HNRNPD: variants seen among roughly 807,000 people sequenced by gnomAD.
HNRNPD encodes heterogeneous nuclear ribonucleoprotein D0.
HNRNPD carries 3 observed loss-of-function variants against 47.9 expected under a neutral mutation model. The observed-to-expected ratio is 0.06, with a 90% CI of 0.03 to 0.16. The LOEUF (loss-of-function observed/expected upper bound fraction) is 0.16. HNRNPD is among the 10% of genes least tolerant of loss of function. HNRNPD has a pLI of 1.00. For missense variants in HNRNPD, 287 were observed against 454.2 expected, an observed-to-expected ratio of 0.63 and a Z score of 3.35; for synonymous variants, 171 against 165.1, an observed-to-expected ratio of 1.04 and a Z score of -0.28.
chr4:82,373,752 AT>A lies in HNRNPD; in HGVS notation c.-75del. The A allele has an allele frequency of 1.3e-6, 2 of 1,523,986 alleles. No individual in the cohort carries two copies. The highest frequency in any genetic ancestry group is 1.2e-5 in the South Asian group (1 of 83,704). The allele number at this position is 1,523,986 out of a possible 1,614,324, so 94.4% of individuals were successfully genotyped here. On this transcript the variant is annotated 5_prime_UTR_variant, in exon 1 of 9. Transcript: ENST00000313899. ...GCGAACCGAAACTAGCAGCAAAGTAATCCCCGCCGCTGCCGCGCGCCCGCTC... is the reference window on the plus strand; with the variant it reads ...GCGAACCGAAACTAGCAGCAAAGTAACCCCGCCGCTGCCGCGCGCCCGCTC...
intron 2 of HNRNPD, among the ~76,000 whole-genome samples, chr4:82,369,763 T>C (rs1238801137): frequency 6.6e-6 from 1 of 151,640 alleles, no homozygotes; most frequent in East Asian, 1.9e-4. Context: ...TGGAACAGGA[T>C]AGGGCTGCAT....
chr4:82,356,585 A>ATCC lies in HNRNPD; in HGVS notation c.949_951dup (p.Gly317dup), dbSNP rs772436272. On this transcript the variant is annotated inframe_insertion, in exon 7 of 9. Transcript: ENST00000313899. ...TAGTTGTTGTAACCAGTGTAGTCAT[A>ATCC]TCCTCCATAACCACCGTAACCTTGG... 2 of 1,611,416 alleles carry ATCC rather than the reference A, an allele frequency of 1.2e-6. No individual in the cohort carries two copies. Among genetic ancestry groups the ATCC allele is most frequent in the Admixed American group, 1.7e-5 (1 of 60,018 alleles).
chr4:82,362,775 T>C (rs768029842), intron 2 of HNRNPD, among the ~76,000 whole-genome samples: 31 of 152,166 alleles, frequency 2.0e-4, no homozygotes, highest in Admixed American at 2.6e-4. Context: ...GATTTTTGCA[T>C]TTTTAGTAGA....
chr4:82,371,606 C>T, intron 1 of HNRNPD, 22 bp from the exon 2 acceptor site: 2 of 1,603,220 alleles, frequency 1.2e-6, no homozygotes, highest in South Asian at 1.1e-5. Context: ...ACAACCGGTA[C>T]AGCAACCAAT....
chr4:82,371,759 T>G (rs1479203092), intron 1 of HNRNPD, among the ~76,000 whole-genome samples, 175 bp from the exon 2 acceptor site: 1 of 152,214 alleles, frequency 6.6e-6, no homozygotes, highest in Non-Finnish European at 1.5e-5. Context: ...AACAGGAAGT[T>G]ATACAATTAA....
chr4:82,369,748 AC>A (rs1264682565), intron 2 of HNRNPD, among the ~76,000 whole-genome samples: 5 of 152,170 alleles, frequency 3.3e-5, no homozygotes, highest in Non-Finnish European at 7.4e-5. Flanking sequence ...GAAAGCCTTA[AC>A]GTCTGGAACA....
intron 2 of HNRNPD, among the ~76,000 whole-genome samples, chr4:82,371,060 A>G (rs1720024365): frequency 6.6e-6 from 1 of 152,144 alleles, no homozygotes; most frequent in Non-Finnish European, 1.5e-5. Flanking sequence ...ACATTTTTCC[A>G]TAATACACAG....
At chr4:82,369,476 A>AT (rs1413730809) in intron 2 of HNRNPD, among the ~76,000 whole-genome samples, 1 of 152,186 alleles carries the variant, frequency 6.6e-6, no homozygotes, top group Non-Finnish European at 1.5e-5. Flanking sequence ...AAACCAACTG[A>AT]TTTTTAAAGT....
chr4:82,362,656 G>T (rs913663229), intron 2 of HNRNPD, among the ~76,000 whole-genome samples: 1 of 152,086 alleles, frequency 6.6e-6, no homozygotes, highest in Non-Finnish European at 1.5e-5. Flanking sequence ...AAGCTGGAGC[G>T]CAGTGGCACA....
rs950722492 is a variant in HNRNPD at position 82,373,863 on chromosome 4, T to A, written c.-185A>T. ...CTCTCCCTGGCCTGCCCCCTTCGCC[T>A]CCCACTCTCGCGCGGCGCACACTCC... On this transcript the variant is annotated 5_prime_UTR_variant, in exon 1 of 9. Coordinates refer to ENST00000313899, the MANE Select transcript of HNRNPD (RefSeq NM_031370.3). 1.1e-5 allele frequency: 15 copies of A among 1,334,114 alleles called. No individual in the cohort carries two copies. The South Asian group carries it at 2.1e-4, about 19-fold the overall frequency. The allele number at this position is 1,334,114 out of a possible 1,614,324, so 82.6% of individuals were successfully genotyped here.
intron 1 of HNRNPD, chr4:82,373,236 T>A (rs1720171649): frequency 1.4e-6 from 1 of 731,156 alleles, no homozygotes; most frequent in Admixed American, 2.2e-5. Context: ...TGGAAACGTG[T>A]GTGATGGGGG....
chr4:82,364,245 A>AC (rs1186321189), intron 2 of HNRNPD, among the ~76,000 whole-genome samples: 10 of 152,274 alleles, frequency 6.6e-5, no homozygotes, highest in African/African-American at 2.4e-4. Flanking sequence ...GGAATTCCAA[A>AC]CATGAACCAC....
chr4:82,360,687 C>G (rs1233479307), intron 2 of HNRNPD, among the ~76,000 whole-genome samples: 1 of 152,080 alleles, frequency 6.6e-6, no homozygotes. Flanking sequence ...TGGGATGTGA[C>G]ACTAACTCAG....
At chr4:82,357,196 A>G in intron 5 of HNRNPD, 117 bp downstream of exon 5, 1 of 1,189,144 alleles carries the variant, frequency 8.4e-7, no homozygotes, top group Non-Finnish European at 1.2e-6. Flanking sequence ...AATGGTAAGT[A>G]ACCAATGAGA....
rs923706235 is a variant in HNRNPD at position 82,373,943 on chromosome 4, C to T, written c.-265G>A. ...AAGCACCAGCGGCGGCCGCTCTCGC[C>T]TCCTCCTCGCTTTAATGGCGCCGCC... On this transcript the variant is annotated 5_prime_UTR_variant, in exon 1 of 9. Coordinates refer to ENST00000313899, the MANE Select transcript of HNRNPD (RefSeq NM_031370.3). The T allele has an allele frequency of 2.5e-5, 19 of 769,344 alleles. No individual in the cohort carries two copies. Among genetic ancestry groups the T allele is most frequent in the Non-Finnish European group, 3.1e-5 (16 of 521,078 alleles). The allele number at this position is 769,344 out of a possible 1,614,324, so 47.7% of individuals were successfully genotyped here.
rs758851412 is a variant in HNRNPD at position 82,353,475 on chromosome 4, CAT to C, written c.*708_*709del. 2 of 152,524 alleles carry C rather than the reference CAT, an allele frequency of 1.3e-5. No individual in the cohort carries two copies. The highest frequency in any genetic ancestry group is 1.3e-4 in the Admixed American group (2 of 15,262). 9.4% of individuals were successfully genotyped at this position (152,524 alleles called of 1,614,324 possible). On this transcript the variant is annotated 3_prime_UTR_variant, in exon 9 of 9. Coordinates refer to ENST00000313899, the MANE Select transcript of HNRNPD (RefSeq NM_031370.3). ...CTTTTTATTTAATGGAAGCATAAAACATTAACTATCTGTGCAAAGGGGTACTT... is the reference window on the plus strand; with the variant it reads ...CTTTTTATTTAATGGAAGCATAAAACTAACTATCTGTGCAAAGGGGTACTT...
In HNRNPD at chr4:82,371,837, G is replaced by A. The variant is rs1720060418; in HGVS notation, c.234-253C>T. Among the ~76,000 whole-genome samples the A allele has an allele frequency of 2.6e-5, 4 of 152,306 alleles. 1 individual carries two copies. In the South Asian group the frequency reaches 8.3e-4, roughly 32 times the overall value. On this transcript the variant is annotated intron_variant, in intron 1 of 8. Coordinates refer to ENST00000313899, the MANE Select transcript of HNRNPD (RefSeq NM_031370.3). ...AAAACCAAAATGTTAAAGGTTTTAA[G>A]TTTCCAAATATCTAACATCTTCCTT...
chr4:82,361,507 T>A (rs1167595827), intron 2 of HNRNPD, among the ~76,000 whole-genome samples: 2 of 152,228 alleles, frequency 1.3e-5, no homozygotes, highest in Non-Finnish European at 2.9e-5. Flanking sequence ...TGAAAGTATT[T>A]CAGCCTGAAC....
At chr4:82,359,024 C>T (rs928509093) in intron 3 of HNRNPD, among the ~76,000 whole-genome samples, 1 of 152,034 alleles carries the variant, frequency 6.6e-6, no homozygotes, top group African/African-American at 2.4e-5. Context: ...GTAGGACATA[C>T]ACAAATTTAA....
Sources: gnomAD v4.1 joint callset for allele counts (sites outside exome capture counted in the v4.1 genomes callset) on GRCh38, gnomAD v4.1.1 for gene constraint, MANE v1.5 for transcripts, NCBI Gene and HGNC (gene_info 2026-07-23, HGNC 2026-07-21) for gene names.